The following L3MBTL4 variants were observed in gnomAD, a reference collection of about 807,000 sequenced individuals.
The protein encoded by L3MBTL4 is lethal(3)malignant brain tumor-like protein 4.
In L3MBTL4, 70 loss-of-function variants were observed where a neutral mutation model predicts 84.5. That is an observed-to-expected ratio of 0.83 (90% CI 0.68 to 1.01). The LOEUF (loss-of-function observed/expected upper bound fraction) is 1.01, where lower values mean the gene tolerates loss of function less well. L3MBTL4 is among the 50% of genes least tolerant of loss of function. The probability of loss-of-function intolerance (pLI) is 0.00; values close to 1 mark genes in which losing one functional copy is unlikely to be tolerated. For synonymous variants in L3MBTL4, 274 were observed against 259.8 expected (o/e 1.05, Z -0.52); for missense variants, 715 against 754.8 (o/e 0.95, Z 0.62).
chr18:6,150,131 A>G (rs2042828612), intron 13 of L3MBTL4, among the ~76,000 whole-genome samples: 1 of 152,226 alleles, frequency 6.6e-6, no homozygotes, highest in South Asian at 2.1e-4. Flanking sequence ...ATGGTGTCAC[A>G]TACAATTTTC....
At chr18:6,202,857 C>A (rs2045707197) in intron 12 of L3MBTL4, among the ~76,000 whole-genome samples, 1 of 152,178 alleles carries the variant, frequency 6.6e-6, no homozygotes, top group Non-Finnish European at 1.5e-5. Context: ...CAGTTACATA[C>A]CTAACCCTGG....
intron 1 of L3MBTL4, among the ~76,000 whole-genome samples, chr18:6,353,600 T>C (rs1013466557): frequency 1.3e-5 from 2 of 152,112 alleles, no homozygotes; most frequent in African/African-American, 4.8e-5. Context: ...AGTTGCAGGA[T>C]ACTAAATCAA....
Position 6,171,710 on chromosome 18 carries a change from T to C in L3MBTL4, c.1096+118A>G, listed in dbSNP as rs1471443702. 8 of 562,498 alleles carry C rather than the reference T, an allele frequency of 1.4e-5. 1 individual carries two copies. The South Asian group carries it at 1.8e-4, about 13-fold the overall frequency. 34.8% of individuals were successfully genotyped at this position (562,498 alleles called of 1,614,324 possible). A position where few individuals can be genotyped will look rare whatever the true frequency, so the allele number is the denominator to read the frequency against. On this transcript the variant is annotated intron_variant, in intron 13 of 18. Transcript: ENST00000317931. ...TCGGCTTTCAGTGTAGCTGTAGTGA[T>C]TAATTCGCCTATGTGATGTTTAGCT...
chr18:6,351,797 C>T lies in L3MBTL4; in HGVS notation c.-90-39741G>A, dbSNP rs558311086. 5.9e-5 allele frequency among the ~76,000 whole-genome samples: 9 copies of T among 152,166 alleles called. No homozygotes were observed. The South Asian group carries it at 6.2e-4, about 11-fold the overall frequency. The stretch of plus-strand genomic sequence containing the variant: ...CAATCTCCTGACCTCGTGATCCGCC[C>T]GCCTCAGCCTCCCAAAGTGCTGGGA... On this transcript the variant is annotated intron_variant, in intron 1 of 18. Coordinates refer to ENST00000317931, the MANE Select transcript of L3MBTL4 (RefSeq NM_001330559.2).
chr18:6,123,517 A>G (rs9952951), intron 14 of L3MBTL4, among the ~76,000 whole-genome samples: 2,325 of 152,286 alleles, frequency 0.015, 66 homozygotes, highest in African/African-American at 0.054. Context: ...CTTGCCAGCC[A>G]CCATGTAAGA....
At chr18:6,206,408 G>A (rs566036606) in intron 12 of L3MBTL4, among the ~76,000 whole-genome samples, 4 of 152,140 alleles carry the variant, frequency 2.6e-5, no homozygotes, top group African/African-American at 9.6e-5. Context: ...ATTCTATCTG[G>A]CTCATGACTG....
intron 16 of L3MBTL4, among the ~76,000 whole-genome samples, chr18:6,063,955 T>C (rs2095253563): frequency 6.6e-6 from 1 of 152,024 alleles, no homozygotes; most frequent in African/African-American, 2.4e-5. Flanking sequence ...GAAGAGTTTT[T>C]CCAAAGTTAT....
Position 5,990,770 on chromosome 18 carries a change from GGTGTGTGTGTGTGTGTGT to G in L3MBTL4, c.1445-21226_1445-21209del, listed in dbSNP as rs34551806. Among the ~76,000 whole-genome samples, 4 of 142,366 alleles carry G rather than the reference GGTGTGTGTGTGTGTGTGT, an allele frequency of 2.8e-5. No individual in the cohort carries two copies. In the East Asian group the frequency reaches 6.0e-4, roughly 21 times the overall value. 93.4% of individuals were successfully genotyped at this position (142,366 alleles called of 152,430 possible). On this transcript the variant is annotated intron_variant, in intron 16 of 18. Transcript: ENST00000317931. Reference sequence around the variant, plus strand: ...TTCAAACTTTAGTAGGGTTCATGTGGGTGTGTGTGTGTGTGTGTGTGTGTGTGTGTGTGTGATGGGCTA... The same window carrying G: ...TTCAAACTTTAGTAGGGTTCATGTGGGTGTGTGTGTGTGTGTGATGGGCTA...
At chr18:6,340,759 G>C (rs558567163) in intron 1 of L3MBTL4, among the ~76,000 whole-genome samples, 2 of 152,160 alleles carry the variant, frequency 1.3e-5, no homozygotes, top group African/African-American at 4.8e-5. Flanking sequence ...ACAATGGCCT[G>C]TGCCCCACAC....
intron 16 of L3MBTL4, among the ~76,000 whole-genome samples, chr18:6,057,733 G>A (rs1056344084): frequency 1.3e-5 from 2 of 152,100 alleles, no homozygotes; most frequent in African/African-American, 4.8e-5. Flanking sequence ...AATAATAGAA[G>A]AAAGAGTTGT....
chr18:6,295,346 C>CTCTCTCTCTA (rs1261475809), intron 4 of L3MBTL4, among the ~76,000 whole-genome samples: 33 of 81,386 alleles, frequency 4.1e-4, no homozygotes, highest in African/African-American at 1.1e-3. Flanking sequence ...CTCTCTCTCT[C>CTCTCTCTCTA]TATATATATA....
chr18:6,407,850 CCA>C (rs1250449352), intron 1 of L3MBTL4, among the ~76,000 whole-genome samples: 3 of 152,134 alleles, frequency 2.0e-5, no homozygotes, highest in African/African-American at 7.2e-5. Context: ...AAGTAAAATT[CCA>C]CACCTCAGAG....
chr18:6,302,511 A>C (rs765790129), intron 3 of L3MBTL4, among the ~76,000 whole-genome samples: 2 of 152,352 alleles, frequency 1.3e-5, no homozygotes, highest in South Asian at 4.1e-4. Flanking sequence ...GCCCCACCCC[A>C]TGGCGCAAGC....
chr18:5,972,867 T>C (rs1479774704), intron 16 of L3MBTL4, among the ~76,000 whole-genome samples: 1 of 125,666 alleles, frequency 8.0e-6, no homozygotes, highest in Non-Finnish European at 1.6e-5. Flanking sequence ...TAGTATAGAA[T>C]AGAATAGAAT....
chr18:5,981,447 TAAG>T (rs2053209881), intron 16 of L3MBTL4, among the ~76,000 whole-genome samples: 1 of 152,292 alleles, frequency 6.6e-6, no homozygotes, highest in East Asian at 1.9e-4. Context: ...CACTAACTTT[TAAG>T]AAGACTGAAG....
chr18:6,244,665 T>G, intron 5 of L3MBTL4, 77 bp from the exon 6 acceptor site: 6 of 981,462 alleles, frequency 6.1e-6, no homozygotes, highest in Admixed American at 1.8e-5. Context: ...GTGTCACCTC[T>G]AGGTGAAGTC....
At chr18:6,294,713 T>TCAAAA (rs571736696) in intron 4 of L3MBTL4, among the ~76,000 whole-genome samples, 24 of 137,000 alleles carry the variant, frequency 1.8e-4, no homozygotes, top group East Asian at 1.1e-3. Flanking sequence ...GCTCAATCAA[T>TCAAAA]CAAAACAAAA....
chr18:5,978,125 A>G (rs892185500), intron 16 of L3MBTL4, among the ~76,000 whole-genome samples: 1 of 152,142 alleles, frequency 6.6e-6, no homozygotes, highest in Admixed American at 6.5e-5. Flanking sequence ...GCAAATGCTG[A>G]CTTATTCTGC....
rs199586744 is a variant in L3MBTL4 at position 6,162,335 on chromosome 18, T to A, written c.1096+9493A>T. 3.0e-4 allele frequency among the ~76,000 whole-genome samples: 46 copies of A among 152,174 alleles called. No individual in the cohort carries two copies. The East Asian group carries it at 8.1e-3, about 27-fold the overall frequency. On this transcript the variant is annotated intron_variant, in intron 13 of 18. Transcript: ENST00000317931. ...TAGTATTTGACCAATAAAGTTATCATAGATAAGTACCTAACACAATTGTTG... is the reference window on the plus strand; with the variant it reads ...TAGTATTTGACCAATAAAGTTATCAAAGATAAGTACCTAACACAATTGTTG...
Sources: gnomAD v4.1 joint callset for allele counts (sites outside exome capture counted in the v4.1 genomes callset) on GRCh38, gnomAD v4.1.1 for gene constraint, MANE v1.5 for transcripts, NCBI Gene and HGNC (gene_info 2026-07-23, HGNC 2026-07-21) for gene names.